The following TNNI3K variants were observed in gnomAD, a reference collection of about 807,000 sequenced individuals.
TNNI3K encodes TNNI3 interacting kinase, also known as serine/threonine-protein kinase TNNI3K.
TNNI3K carries 140 observed loss-of-function variants against 114.5 expected under a neutral mutation model. That is an observed-to-expected ratio of 1.22 (90% CI 1.07 to 1.41). TNNI3K has a LOEUF of 1.41. Ranked by LOEUF, TNNI3K falls within the 40% of genes most tolerant of loss-of-function variation. The pLI, the probability that TNNI3K is intolerant of heterozygous loss-of-function variation, is 0.00. For missense variants in TNNI3K, 1,125 were observed against 1,007.6 expected (o/e 1.12, Z -1.58); for synonymous variants, 347 against 347.5 (o/e 1.00, Z 0.02).
intron 21 of TNNI3K, among the ~76,000 whole-genome samples, chr1:74,485,854 T>A (rs1446164725): frequency 6.6e-6 from 1 of 152,080 alleles, no homozygotes; most frequent in Non-Finnish European, 1.5e-5. Flanking sequence ...CAGACATGTG[T>A]CATACAACCA....
At chr1:74,510,463 G>A (rs1262620098) in intron 23 of TNNI3K, among the ~76,000 whole-genome samples, 4 of 152,032 alleles carry the variant, frequency 2.6e-5, no homozygotes, top group African/African-American at 4.8e-5. Flanking sequence ...AGCCGACATC[G>A]CGCCACTGCA....
At chr1:74,536,073 T>C (rs1261247835) in intron 23 of TNNI3K, among the ~76,000 whole-genome samples, 1 of 152,206 alleles carries the variant, frequency 6.6e-6, no homozygotes, top group Admixed American at 6.5e-5. Context: ...CATTCCTTTC[T>C]GAAGCTTTGC....
At chr1:74,485,279 A>G (rs896146865) in intron 21 of TNNI3K, among the ~76,000 whole-genome samples, 1 of 152,208 alleles carries the variant, frequency 6.6e-6, no homozygotes, top group Admixed American at 6.5e-5. Flanking sequence ...AATAAGCATT[A>G]GGTAATTCCA....
intron 17 of TNNI3K, among the ~76,000 whole-genome samples, chr1:74,431,188 A>G (rs1044949902): frequency 6.6e-6 from 1 of 152,094 alleles, no homozygotes; most frequent in African/African-American, 2.4e-5. Flanking sequence ...AAGAGTCTCA[A>G]AAAGTTAAAG....
chr1:74,304,576 A>G (rs1359956561), intron 5 of TNNI3K, among the ~76,000 whole-genome samples: 1 of 152,092 alleles, frequency 6.6e-6, no homozygotes, highest in East Asian at 1.9e-4. Context: ...CAGAGTAGCT[A>G]GGACTATGGG....
At chr1:74,430,803 G>C (rs1252284192) in intron 17 of TNNI3K, among the ~76,000 whole-genome samples, 1 of 152,100 alleles carries the variant, frequency 6.6e-6, no homozygotes, top group African/African-American at 2.4e-5. Context: ...GGGGAACAAA[G>C]ATTCCTTTAA....
At chr1:74,543,786 G>A (rs1195797771) in intron 24 of TNNI3K, 120 bp from the exon 25 acceptor site, 19 of 1,109,250 alleles carry the variant, frequency 1.7e-5, no homozygotes, top group African/African-American at 9.4e-5. Context: ...ACCAGCAACC[G>A]TTGTCCAGAT....
At chr1:74,420,952 A>G (rs45475298) in intron 17 of TNNI3K, among the ~76,000 whole-genome samples, 103 of 152,198 alleles carry the variant, frequency 6.8e-4, no homozygotes, top group African/African-American at 2.4e-3. Context: ...GAATTTTTGC[A>G]TGAGTGAAAA....
At chr1:74,316,335 T>G (rs1167533030) in intron 5 of TNNI3K, among the ~76,000 whole-genome samples, 1 of 152,222 alleles carries the variant, frequency 6.6e-6, no homozygotes, top group Non-Finnish European at 1.5e-5. Context: ...GTAGCCAGAA[T>G]GAGATTTTTA....
chr1:74,350,115 A>G (rs1037492450), intron 9 of TNNI3K, among the ~76,000 whole-genome samples: 6 of 152,078 alleles, frequency 3.9e-5, no homozygotes, highest in Non-Finnish European at 2.9e-5. Flanking sequence ...ATTCGGTGCT[A>G]TAAATTTCCC....
chr1:74,436,661 C>T (rs1666145102), intron 19 of TNNI3K, 135 bp downstream of exon 19: 1 of 849,056 alleles, frequency 1.2e-6, no homozygotes, highest in Non-Finnish European at 1.7e-6. Flanking sequence ...TGGCTTATGT[C>T]TTTATTTTTA....
At chr1:74,521,030 G>T (rs997253954) in intron 23 of TNNI3K, among the ~76,000 whole-genome samples, 1 of 152,136 alleles carries the variant, frequency 6.6e-6, no homozygotes, top group African/African-American at 2.4e-5. Context: ...TCTCTGCTCT[G>T]GTTGCCCTGA....
Position 74,543,064 on chromosome 1 carries a change from C to CTTTTTTTTTTTTTTTTTTTTT in TNNI3K, c.2432-833_2432-813dup. ...CTTTTCCTTTTCTTTTTCTTTTTCC[C>CTTTTTTTTTTTTTTTTTTTTT]TTTTTTTTTTTTTTTTTTTTTTTTT... On this transcript the variant is annotated intron_variant, in intron 24 of 24. Transcript: ENST00000326637. Among the ~76,000 whole-genome samples the CTTTTTTTTTTTTTTTTTTTTT allele has an allele frequency of 6.1e-3, 41 of 6,750 alleles. 20 individuals carry two copies. The highest frequency in any genetic ancestry group is 6.4e-3 in the Non-Finnish European group (18 of 2,796). The allele number at this position is 6,750 out of a possible 152,430, so 4.4% of individuals were successfully genotyped here. A position where few individuals can be genotyped will look rare whatever the true frequency, so the allele number is the denominator to read the frequency against.
chr1:74,396,311 G>A (rs1027641521), intron 17 of TNNI3K, among the ~76,000 whole-genome samples: 6 of 152,128 alleles, frequency 3.9e-5, no homozygotes, highest in South Asian at 2.1e-4. Flanking sequence ...GAATTTCCCC[G>A]TTCCTTCTAA....
intron 17 of TNNI3K, among the ~76,000 whole-genome samples, chr1:74,389,100 G>A (rs1161633126): frequency 1.3e-5 from 2 of 152,230 alleles, no homozygotes; most frequent in East Asian, 3.9e-4. Flanking sequence ...CTCTCTGGCA[G>A]TGTTATGGAG....
chr1:74,444,827 AAAAG>A (rs1270164840), intron 20 of TNNI3K, among the ~76,000 whole-genome samples: 1 of 152,074 alleles, frequency 6.6e-6, no homozygotes, highest in African/African-American at 2.4e-5. Context: ...GGAAAAAAAA[AAAAG>A]ACACATAGAC....
At chr1:74,510,909 C>T (rs538226847) in intron 23 of TNNI3K, among the ~76,000 whole-genome samples, 54 of 152,250 alleles carry the variant, frequency 3.5e-4, no homozygotes, top group African/African-American at 9.4e-4. Context: ...TTTTTTGAGA[C>T]GAAGTCTCAC....
intron 17 of TNNI3K, among the ~76,000 whole-genome samples, chr1:74,399,071 G>A (rs924244004): frequency 1.0e-4 from 15 of 149,344 alleles, no homozygotes; most frequent in South Asian, 2.1e-4. Flanking sequence ...CAGGAGAATC[G>A]CTTGAACCCG....
chr1:74,468,288 G>A lies in TNNI3K; in HGVS notation c.2121+4738G>A, dbSNP rs1432398780. 10 of 151,808 alleles carry A rather than the reference G, an allele frequency of 6.6e-5. No individual in the cohort carries two copies. In the Middle Eastern group the frequency reaches 0.01, roughly 156 times the overall value. 9.4% of individuals were successfully genotyped at this position (151,808 alleles called of 1,614,324 possible). On this transcript the variant is annotated intron_variant, in intron 21 of 24. Coordinates refer to ENST00000326637, the MANE Select transcript of TNNI3K (RefSeq NM_015978.3). Reference sequence around the variant, plus strand: ...AAGAAAAAAAAAAAGGAAAAAGAAAGATAGCTACCAAGAAAAAAAGTGACC... The same window carrying A: ...AAGAAAAAAAAAAAGGAAAAAGAAAAATAGCTACCAAGAAAAAAAGTGACC...
Sources: gnomAD v4.1 joint callset for allele counts (sites outside exome capture counted in the v4.1 genomes callset) on GRCh38, gnomAD v4.1.1 for gene constraint, MANE v1.5 for transcripts, NCBI Gene and HGNC (gene_info 2026-07-23, HGNC 2026-07-21) for gene names.